The following GRM1 variants were observed in gnomAD, a reference collection of about 807,000 sequenced individuals.
GRM1 encodes glutamate metabotropic receptor 1.
GRM1 carries 33 observed loss-of-function variants against 90.9 expected under a neutral mutation model. The observed-to-expected ratio is 0.36, with a 90% CI of 0.28 to 0.49. The LOEUF (loss-of-function observed/expected upper bound fraction) is 0.49. Among genes scored for constraint, GRM1 ranks in the 20% least tolerant of loss-of-function variants. GRM1 has a pLI of 0.99. For missense variants in GRM1, 1,190 were observed against 1,534.3 expected, an observed-to-expected ratio of 0.78 and a Z score of 3.75; for synonymous variants, 700 against 613.2, an observed-to-expected ratio of 1.14 and a Z score of -2.09.
chr6:146,193,539 T>C (rs9497477), intron 2 of GRM1, among the ~76,000 whole-genome samples: 2,399 of 152,134 alleles, frequency 0.016, 52 homozygotes, highest in African/African-American at 0.054. Flanking sequence ...GATCACAAGG[T>C]GGAGATGATG....
chr6:146,130,338 T>C (rs1415394132), intron 1 of GRM1, among the ~76,000 whole-genome samples: 1 of 151,860 alleles, frequency 6.6e-6, no homozygotes, highest in Non-Finnish European at 1.5e-5. Context: ...ACTTATGAGT[T>C]TTAACAATTG....
Position 146,159,555 on chromosome 6 carries a change from T to G in GRM1, c.908T>G (p.Met303Arg). ...GMTVRGLLSA[M>R]RRLGVVGEFS... ...ACAGTGCGAGGACTCCTGAGCGCCA[T>G]GCGGCGCCTTGGCGTCGTGGGCGAG... Residue 303 changes from methionine to arginine, a missense_variant, in exon 2 of 8, where the codon ATG becomes AGG. Physicochemically the swap from Met to Arg is moderately conservative, Grantham distance 91. Around this residue, in one of 10 missense-constraint regions of GRM1, gnomAD observed 414 missense variants for 598.4 expected, o/e 0.69. Transcript: ENST00000282753. 1 of 1,613,892 alleles carries G rather than the reference T, an allele frequency of 6.2e-7. No individual in the cohort carries two copies. Among genetic ancestry groups the G allele is most frequent in the Non-Finnish European group, 8.5e-7 (1 of 1,179,954 alleles).
chr6:146,223,993 G>C (rs139502767), intron 2 of GRM1, among the ~76,000 whole-genome samples: 2 of 152,000 alleles, frequency 1.3e-5, no homozygotes, highest in Admixed American at 1.3e-4. Context: ...CCATTTTTAA[G>C]GGTGGAAAAA....
intron 7 of GRM1, among the ~76,000 whole-genome samples, chr6:146,425,549 G>A (rs1244313866): frequency 6.6e-6 from 1 of 152,202 alleles, no homozygotes; most frequent in Non-Finnish European, 1.5e-5. Context: ...GATCTTCTGG[G>A]TAGAGGGTCA....
At chr6:146,098,740 T>G (rs1776952143) in intron 1 of GRM1, among the ~76,000 whole-genome samples, 1 of 152,078 alleles carries the variant, frequency 6.6e-6, no homozygotes, top group African/African-American at 2.4e-5. Flanking sequence ...GCTACACTCA[T>G]GCTGTTCTAG....
At chr6:146,421,252 A>T (rs902920056) in intron 7 of GRM1, among the ~76,000 whole-genome samples, 8 of 152,160 alleles carry the variant, frequency 5.3e-5, no homozygotes, top group Admixed American at 1.3e-4. Context: ...TGTAGGAAAA[A>T]AACTAAATGG....
intron 1 of GRM1, among the ~76,000 whole-genome samples, chr6:146,067,528 T>C (rs1775887845): frequency 6.6e-6 from 1 of 152,128 alleles, no homozygotes; most frequent in Admixed American, 6.6e-5. Flanking sequence ...AATTAACTAT[T>C]ATGCTTATCT....
intron 4 of GRM1, among the ~76,000 whole-genome samples, chr6:146,356,520 C>T (rs1310276546): frequency 6.6e-6 from 1 of 152,114 alleles, no homozygotes; most frequent in Non-Finnish European, 1.5e-5. Context: ...CCTCCTAATA[C>T]CATCACCTTG....
chr6:146,374,157 TCG>T (rs1776006302), intron 5 of GRM1, among the ~76,000 whole-genome samples: 1 of 31,886 alleles, frequency 3.1e-5, no homozygotes, highest in African/African-American at 9.0e-4. Flanking sequence ...ATATGATGTA[TCG>T]GTATCGCATT....
At chr6:146,200,239 A>G (rs1779256902) in intron 2 of GRM1, among the ~76,000 whole-genome samples, 1 of 152,172 alleles carries the variant, frequency 6.6e-6, no homozygotes, top group African/African-American at 2.4e-5. Flanking sequence ...CGTTCACTGC[A>G]GGAGGTACTA....
At chr6:146,276,380 C>T (rs187463745) in intron 2 of GRM1, among the ~76,000 whole-genome samples, 4 of 152,248 alleles carry the variant, frequency 2.6e-5, no homozygotes, top group Admixed American at 2.6e-4. Context: ...TCATTCCAGC[C>T]TCCAAATTAT....
intron 2 of GRM1, among the ~76,000 whole-genome samples, chr6:146,216,766 C>T (rs79394181): frequency 0.011 from 1,736 of 152,294 alleles, 75 homozygotes; most frequent in East Asian, 0.079. Flanking sequence ...CAAGTTATCA[C>T]TCAATAAATT....
Position 146,399,734 on chromosome 6 carries a change from T to C in GRM1, c.2660+35T>C, listed in dbSNP as rs1033246028. On this transcript the variant is annotated intron_variant, in intron 7 of 7. Coordinates refer to ENST00000282753, the MANE Select transcript of GRM1 (RefSeq NM_001278064.2). The surrounding 1 kb of genome is among the most constrained non-coding windows in gnomAD (Gnocchi z 5.4). ...CTGACCTGTTTGTCTCTCTTTTCTC[T>C]TCCTTTCTCTGTCTCTTTCTCTCTC... 1.5e-5 allele frequency: 21 copies of C among 1,377,904 alleles called. No individual in the cohort carries two copies. In the African/African-American group the frequency reaches 1.7e-4, roughly 11 times the overall value. The allele number at this position is 1,377,904 out of a possible 1,614,324, so 85.4% of individuals were successfully genotyped here.
chr6:146,143,009 C>T (rs1776946076), intron 1 of GRM1, among the ~76,000 whole-genome samples: 1 of 152,108 alleles, frequency 6.6e-6, no homozygotes, highest in African/African-American at 2.4e-5. Context: ...TGGGTCACAC[C>T]CGAAGCCAGC....
At chr6:146,298,519 T>C (rs1783265234) in intron 2 of GRM1, among the ~76,000 whole-genome samples, 1 of 152,230 alleles carries the variant, frequency 6.6e-6, no homozygotes, top group South Asian at 2.1e-4. Context: ...GGGTCCATTC[T>C]AACAGAATCC....
intron 2 of GRM1, among the ~76,000 whole-genome samples, chr6:146,237,001 TTTTAGTAAAA>T (rs925263185): frequency 6.6e-6 from 1 of 152,122 alleles, no homozygotes; most frequent in Non-Finnish European, 1.5e-5. Flanking sequence ...AGCTGCTCAA[TTTTAGTAAAA>T]TTTGTCTCAC....
chr6:146,199,108 T>C (rs1268275377), intron 2 of GRM1, among the ~76,000 whole-genome samples: 1 of 152,192 alleles, frequency 6.6e-6, no homozygotes, highest in Admixed American at 6.5e-5. Context: ...AGAGTTACCA[T>C]TGGACAATTT....
At chr6:146,188,970 G>T (rs1317305444) in intron 2 of GRM1, among the ~76,000 whole-genome samples, 1 of 152,134 alleles carries the variant, frequency 6.6e-6, no homozygotes, top group African/African-American at 2.4e-5. Context: ...CTAAGCTACT[G>T]TGCTAAAAGC....
intron 1 of GRM1, among the ~76,000 whole-genome samples, chr6:146,084,649 A>T (rs1776481248): frequency 6.6e-6 from 1 of 152,092 alleles, no homozygotes; most frequent in African/African-American, 2.4e-5. Context: ...GGAGTGTTTT[A>T]CTTTCAATTA....
Sources: gnomAD v4.1 joint callset for allele counts (sites outside exome capture counted in the v4.1 genomes callset) on GRCh38, gnomAD v4.1.1 for gene constraint, gnomAD v4.1.1 regional missense constraint, Gnocchi (gnomAD v3.1) non-coding constraint, MANE v1.5 for transcripts, NCBI Gene and HGNC (gene_info 2026-07-23, HGNC 2026-07-21) for gene names.